SLC6A3: variants seen among roughly 807,000 people sequenced by gnomAD.
SLC6A3 encodes solute carrier family 6 member 3, also known as sodium-dependent dopamine transporter.
A neutral mutation model predicts 70.4 loss-of-function variants in SLC6A3; 19 were observed. The observed-to-expected ratio is 0.27, with a 90% CI of 0.19 to 0.40. SLC6A3 has a LOEUF of 0.40. Ranked by LOEUF, SLC6A3 falls within the 10% of genes least tolerant of loss-of-function variation. The pLI, the probability that SLC6A3 is intolerant of heterozygous loss-of-function variation, is 1.00. For missense variants in SLC6A3, 613 were observed against 838.5 expected (o/e 0.73, Z 3.32); for synonymous variants, 368 against 356.6 (o/e 1.03, Z -0.36).
At chr5:1,439,623 T>A (rs946553862) in intron 3 of SLC6A3, among the ~76,000 whole-genome samples, 2 of 152,172 alleles carry the variant, frequency 1.3e-5, no homozygotes, top group African/African-American at 4.8e-5. Flanking sequence ...CCCTGACCCA[T>A]TGGTAATGCG....
chr5:1,416,374 C>A, intron 6 of SLC6A3, 173 bp from the exon 7 acceptor site: 1 of 658,598 alleles, frequency 1.5e-6, no homozygotes, highest in Non-Finnish European at 2.7e-6. Flanking sequence ...AGGAAGTGAA[C>A]CCTCCCGGGC....
At position 1,422,446 on chromosome 5, in the gene SLC6A3, CCA is replaced by C. The variant is rs756550881; in HGVS notation, c.654-434_654-433del. On this transcript the variant is annotated intron_variant, in intron 4 of 14. Coordinates refer to ENST00000270349, the MANE Select transcript of SLC6A3 (RefSeq NM_001044.5). ...CACGCTGCTGGGTACCCACCGCTGC[CCA>C]CAGTGCTGCCCACGCTGCTGGGTGC... 6.0e-3 allele frequency among the ~76,000 whole-genome samples: 322 copies of C among 53,848 alleles called. 1 individual carries two copies. The highest frequency in any genetic ancestry group is 0.014 in the African/African-American group (172 of 12,186). The allele number at this position is 53,848 out of a possible 152,430, so 35.3% of individuals were successfully genotyped here. A position where few individuals can be genotyped will look rare whatever the true frequency, so the allele number is the denominator to read the frequency against.
rs780544157 is a variant in SLC6A3, at chr5:1,403,030, G to A, written c.1659C>T (p.Phe553=). 2.7e-5 allele frequency: 43 copies of A among 1,613,948 alleles called. No individual in the cohort carries two copies. In the South Asian group the frequency reaches 4.7e-4, roughly 18 times the overall value. The change falls in exon 13 of 15, where the codon TTC becomes TTT. Residue 553 remains phenylalanine, a synonymous_variant. Coordinates refer to ENST00000270349, the MANE Select transcript of SLC6A3 (RefSeq NM_001044.5). ...AGCCCAGCGCGTTGGCCCAGTCGGG[G>A]AAGATGTAGGCTCCGTAGTGGGGGG... The part of the protein sequence containing the change: ...FRPPHYGAYI[F]PDWANALGWV...
chr5:1,400,978 G>C lies in SLC6A3; in HGVS notation c.1776C>G (p.Ala592=), dbSNP rs770306142. ...SLPGSFREKL[A]YAIAPEKDRE... ...GGTCCTTCTCGGGTGCAATGGCGTA[G>C]GCCAGTTTCTGAAAGAGAAAGAGAG... The change falls in exon 14 of 15, where the codon GCC becomes GCG. Residue 592 remains alanine, a synonymous_variant. Transcript: ENST00000270349. 4.4e-6 allele frequency: 7 copies of C among 1,595,704 alleles called. No homozygotes were observed. In the East Asian group the frequency reaches 1.6e-4, roughly 36 times the overall value.
At chr5:1,416,771 T>C (rs571225423) in intron 6 of SLC6A3, among the ~76,000 whole-genome samples, 18 of 149,718 alleles carry the variant, frequency 1.2e-4, no homozygotes, top group Non-Finnish European at 2.4e-4. Context: ...AGCGTCCTAA[T>C]AGCCCTCAGA....
rs1257942090 is a variant in SLC6A3, at chr5:1,397,681, A to G, written c.1840-2923T>C. Among the ~76,000 whole-genome samples the G allele has an allele frequency of 6.6e-6, 1 of 152,226 alleles. No homozygotes were observed. The highest frequency in any genetic ancestry group is 1.5e-5 in the Non-Finnish European group (1 of 68,038). On this transcript the variant is annotated intron_variant, in intron 14 of 14. Coordinates refer to ENST00000270349, the MANE Select transcript of SLC6A3 (RefSeq NM_001044.5). The surrounding 1 kb of genome is among the most constrained non-coding windows in gnomAD (Gnocchi z 4.7). ...CAACAGTGCTTTCGTGAATGAGAGC[A>G]GCATAAAGATGTTCCCACACACCAA...
At chr5:1,441,623 G>A in intron 2 of SLC6A3, 133 bp from the exon 3 acceptor site, 1 of 1,052,422 alleles carries the variant, frequency 9.5e-7, no homozygotes, top group Non-Finnish European at 1.4e-6. Flanking sequence ...CCAACGGGAA[G>A]TCCCAGGCTA....
chr5:1,443,149 G>A lies in SLC6A3; in HGVS notation c.49C>T (p.Pro17Ser). 1 of 1,614,222 alleles carries A rather than the reference G, an allele frequency of 6.2e-7. No individual in the cohort carries two copies. Among genetic ancestry groups the A allele is most frequent in the South Asian group, 1.1e-5 (1 of 91,088 alleles). The change falls in exon 2 of 15, where the codon CCG (proline) becomes TCG (serine). Residue 17 changes from proline (P) to serine (S), a missense_variant. Coordinates refer to ENST00000270349, the MANE Select transcript of SLC6A3 (RefSeq NM_001044.5). ...SVGLMSSVVA[P>S]AKEPNAVGPK... The stretch of plus-strand genomic sequence containing the variant: ...CCCACGGCATTGGGCTCCTTAGCCG[G>A]GGCCACCACGGAAGACATGAGTCCC...
intron 5 of SLC6A3, 53 bp from the exon 6 acceptor site, chr5:1,420,756 G>A: frequency 6.2e-7 from 1 of 1,600,364 alleles, no homozygotes; most frequent in Non-Finnish European, 8.5e-7. Flanking sequence ...CTTGGTGGGA[G>A]CAGACACTGG....
Position 1,408,884 on chromosome 5 carries a change from C to A in SLC6A3, c.1498+142G>T, listed in dbSNP as rs1756048429. 1.4e-6 allele frequency: 1 copy of A among 703,864 alleles called. No homozygotes were observed. The highest frequency in any genetic ancestry group is 2.6e-6 in the Non-Finnish European group (1 of 388,246). 43.6% of individuals were successfully genotyped at this position (703,864 alleles called of 1,614,324 possible). A position where few individuals can be genotyped will look rare whatever the true frequency, so the allele number is the denominator to read the frequency against. ...CATCAAAGGGACCAGTGCCAAGCCT[C>A]TCCCCTCTGCGGAGCTGTGATGACC... On this transcript the variant is annotated intron_variant, in intron 11 of 14. Coordinates refer to ENST00000270349, the MANE Select transcript of SLC6A3 (RefSeq NM_001044.5). This position sits in a 1 kb window ranked among gnomAD's most constrained non-coding sequence, Gnocchi z 6.4.
chr5:1,423,657 C>T (rs1004617486), intron 4 of SLC6A3, among the ~76,000 whole-genome samples: 7 of 152,228 alleles, frequency 4.6e-5, no homozygotes, highest in South Asian at 2.1e-4. Context: ...GTGCTCCTTG[C>T]CCCAGGCACA....
rs981882114 is a variant in SLC6A3 at position 1,406,897 on chromosome 5, C to T, written c.1499-609G>A. ...CTCCCGTCAGTGGAGTCACGTGGCA[C>T]GGGGCCTCTGCAACTGGTTTACTCC... On this transcript the variant is annotated intron_variant, in intron 11 of 14. Coordinates refer to ENST00000270349, the MANE Select transcript of SLC6A3 (RefSeq NM_001044.5). The surrounding 1 kb of genome is among the most constrained non-coding windows in gnomAD (Gnocchi z 8.8). Among the ~76,000 whole-genome samples the T allele has an allele frequency of 1.1e-4, 16 of 152,134 alleles. No individual in the cohort carries two copies. The highest frequency in any genetic ancestry group is 1.8e-4 in the Non-Finnish European group (12 of 68,030).
At chr5:1,439,913 C>G (rs533307437) in intron 3 of SLC6A3, among the ~76,000 whole-genome samples, 1 of 152,290 alleles carries the variant, frequency 6.6e-6, no homozygotes, top group Non-Finnish European at 1.5e-5. Flanking sequence ...GGAACGACCC[C>G]GGCCCTCTGG....
intron 14 of SLC6A3, among the ~76,000 whole-genome samples, chr5:1,399,385 A>G (rs2550926): frequency 6.6e-6 from 1 of 152,248 alleles, no homozygotes; most frequent in African/African-American, 2.4e-5. Flanking sequence ...CGAAGGATGC[A>G]AATTAATAAC....
intron 4 of SLC6A3, among the ~76,000 whole-genome samples, chr5:1,428,397 A>G (rs914813055): frequency 2.0e-5 from 3 of 152,252 alleles, no homozygotes; most frequent in African/African-American, 7.2e-5. Flanking sequence ...AATTTATATT[A>G]GGCAGTGTCG....
intron 12 of SLC6A3, among the ~76,000 whole-genome samples, chr5:1,403,531 T>G (rs759664047): frequency 4.2e-5 from 6 of 144,488 alleles, no homozygotes; most frequent in Non-Finnish European, 9.1e-5. Context: ...TCCGGCTCTA[T>G]CCCATCCCAT....
At chr5:1,439,845 T>C (rs1269285851) in intron 3 of SLC6A3, among the ~76,000 whole-genome samples, 1 of 152,170 alleles carries the variant, frequency 6.6e-6, no homozygotes, top group Non-Finnish European at 1.5e-5. Flanking sequence ...GTGCAGGGAT[T>C]GGGGAGTCAG....
Position 1,421,739 on chromosome 5 carries a change from A to T in SLC6A3, c.792+137T>A. On this transcript the variant is annotated intron_variant, in intron 5 of 14. Transcript: ENST00000270349. This position sits in a 1 kb window ranked among gnomAD's most constrained non-coding sequence, Gnocchi z 7.2. ...CAAACTCAACCATGGCCATGTGTCC[A>T]CCCCAACCTGGCCATGGCCACATTG... 1 of 930,328 alleles carries T rather than the reference A, an allele frequency of 1.1e-6. No homozygotes were observed. Among genetic ancestry groups the T allele is most frequent in the Non-Finnish European group, 1.8e-6 (1 of 570,442 alleles). The allele number at this position is 930,328 out of a possible 1,614,324, so 57.6% of individuals were successfully genotyped here.
Position 1,396,600 on chromosome 5 carries a change from T to C in SLC6A3, c.1840-1842A>G, listed in dbSNP as rs929880790. 6.7e-6 allele frequency among the ~76,000 whole-genome samples: 1 copy of C among 149,674 alleles called. No homozygotes were observed. Among genetic ancestry groups the C allele is most frequent in the African/African-American group, 2.4e-5 (1 of 41,214 alleles). On this transcript the variant is annotated intron_variant, in intron 14 of 14. Coordinates refer to ENST00000270349, the MANE Select transcript of SLC6A3 (RefSeq NM_001044.5). The surrounding 1 kb of genome is among the most constrained non-coding windows in gnomAD (Gnocchi z 7.0). ...CACACAGAGAGAAGACCCGGGACAA[T>C]GGCCCAGGACCCCTGCTGAGGGTTC...
Sources: allele counts gnomAD v4.1 joint callset (sites outside exome capture counted in the v4.1 genomes callset), GRCh38; gene constraint gnomAD v4.1.1; non-coding constraint Gnocchi (gnomAD v3.1); transcripts MANE v1.5; gene names NCBI Gene and HGNC (gene_info 2026-07-23, HGNC 2026-07-21).